Variants in CAMK4 observed in about 807,000 individuals in gnomAD.
CAMK4 encodes calcium/calmodulin-dependent protein kinase type IV.
CAMK4 carries 22 observed loss-of-function variants against 44.9 expected under a neutral mutation model. That is an observed-to-expected ratio of 0.49 (90% CI 0.35 to 0.70). The LOEUF (loss-of-function observed/expected upper bound fraction) is 0.70. Ranked by LOEUF, CAMK4 falls within the 30% of genes least tolerant of loss-of-function variation. CAMK4 has a pLI of 0.01. For synonymous variants in CAMK4, 218 were observed against 215.4 expected, an observed-to-expected ratio of 1.01 and a Z score of -0.11; for missense variants, 498 against 586.8, an observed-to-expected ratio of 0.85 and a Z score of 1.56.
chr5:111,337,943 G>A lies in CAMK4; in HGVS notation c.162-6081G>A, dbSNP rs147778550. ...CCTCTAGACTGTTTTAGTTGGGTAT[G>A]AAAAGGATAATCCAATCTGTGTAAT... On this transcript the variant is annotated intron_variant, in intron 1 of 10. Coordinates refer to ENST00000282356, the MANE Select transcript of CAMK4 (RefSeq NM_001744.6). 6.7e-3 allele frequency among the ~76,000 whole-genome samples: 1,014 copies of A among 151,210 alleles called. 6 individuals are homozygous for A. The highest frequency in any genetic ancestry group is 0.02 in the Middle Eastern group (6 of 294).
At chr5:111,272,119 T>TTG (rs760290469) in intron 1 of CAMK4, among the ~76,000 whole-genome samples, 47 of 148,672 alleles carry the variant, frequency 3.2e-4, no homozygotes, top group Non-Finnish European at 4.9e-4. Flanking sequence ...GTGTGTGTGT[T>TTG]TGTGTGTGTG....
chr5:111,481,295 A>G (rs569551203), intron 9 of CAMK4, among the ~76,000 whole-genome samples: 1 of 152,342 alleles, frequency 6.6e-6, no homozygotes, highest in East Asian at 1.9e-4. Flanking sequence ...GGGCTCATTT[A>G]CATAAAATTA....
In CAMK4 at chr5:111,331,972, T is replaced by C. The variant is rs186269572; in HGVS notation, c.162-12052T>C. ...GTGCCTAGCACAGTGCCTAATAAATTTTCACTTGATGAAATCTAACTCCGT... is the reference window on the plus strand; with the variant it reads ...GTGCCTAGCACAGTGCCTAATAAATCTTCACTTGATGAAATCTAACTCCGT... On this transcript the variant is annotated intron_variant, in intron 1 of 10. Transcript: ENST00000282356. Among the ~76,000 whole-genome samples, 1,087 of 151,808 alleles carry C rather than the reference T, an allele frequency of 7.2e-3. 12 individuals carry two copies. Among genetic ancestry groups the C allele is most frequent in the Non-Finnish European group, 0.011 (766 of 67,790 alleles).
chr5:111,451,073 A>G (rs1043317418), intron 7 of CAMK4, among the ~76,000 whole-genome samples: 1 of 152,156 alleles, frequency 6.6e-6, no homozygotes, highest in African/African-American at 2.4e-5. Context: ...GATTAAATCC[A>G]TAGAATTTTA....
At chr5:111,452,028 A>G (rs1342288969) in intron 7 of CAMK4, among the ~76,000 whole-genome samples, 1 of 152,188 alleles carries the variant, frequency 6.6e-6, no homozygotes, top group Non-Finnish European at 1.5e-5. Context: ...AGCATTTTAT[A>G]ATATTGTTTT....
chr5:111,230,035 G>A (rs1281859829), intron 1 of CAMK4, among the ~76,000 whole-genome samples: 1 of 152,146 alleles, frequency 6.6e-6, no homozygotes, highest in Non-Finnish European at 1.5e-5. Flanking sequence ...TGGGCCGGGT[G>A]CAGCATGTGT....
chr5:111,467,824 C>T (rs1754897873), intron 7 of CAMK4, among the ~76,000 whole-genome samples: 1 of 152,028 alleles, frequency 6.6e-6, no homozygotes, highest in Admixed American at 6.6e-5. Context: ...AGTAGAACTA[C>T]CGTTTGATCC....
At chr5:111,391,133 C>T (rs868289622) in intron 4 of CAMK4, among the ~76,000 whole-genome samples, 1 of 152,020 alleles carries the variant, frequency 6.6e-6, no homozygotes, top group Non-Finnish European at 1.5e-5. Flanking sequence ...ATCTAAAGTC[C>T]CTTGGGGAAA....
intron 5 of CAMK4, among the ~76,000 whole-genome samples, chr5:111,423,034 A>G (rs1328626664): frequency 6.6e-6 from 1 of 152,202 alleles, no homozygotes; most frequent in East Asian, 1.9e-4. Context: ...AACAGGCACA[A>G]TAAATATTCA....
chr5:111,347,655 C>A (rs567408440), intron 2 of CAMK4, among the ~76,000 whole-genome samples: 1 of 151,960 alleles, frequency 6.6e-6, no homozygotes, highest in Non-Finnish European at 1.5e-5. Flanking sequence ...CATCTTACCT[C>A]TGTGCACATC....
chr5:111,461,838 C>T, intron 7 of CAMK4, among the ~76,000 whole-genome samples: 1 of 54,650 alleles, frequency 1.8e-5, no homozygotes, highest in East Asian at 4.8e-4. Context: ...AAAAAAAAAT[C>T]CCAGCATTTG....
At chr5:111,384,727 C>T (rs1371976756) in intron 4 of CAMK4, among the ~76,000 whole-genome samples, 2 of 152,182 alleles carry the variant, frequency 1.3e-5, no homozygotes, top group African/African-American at 4.8e-5. Context: ...TTTCCCAGTG[C>T]TTCTGCCCTG....
At chr5:111,458,324 C>T (rs778607551) in intron 7 of CAMK4, among the ~76,000 whole-genome samples, 1 of 152,156 alleles carries the variant, frequency 6.6e-6, no homozygotes, top group South Asian at 2.1e-4. Flanking sequence ...TGGGCATGAG[C>T]TTAGTTTAAG....
At chr5:111,327,357 C>T (rs568305769) in intron 1 of CAMK4, among the ~76,000 whole-genome samples, 209 of 152,186 alleles carry the variant, frequency 1.4e-3, no homozygotes, top group African/African-American at 4.8e-3. Context: ...TTTATGGCTG[C>T]ATAGTATTCC....
rs539721254 is a variant in CAMK4 at position 111,328,443 on chromosome 5, G to A, written c.162-15581G>A. Among the ~76,000 whole-genome samples, 512 of 152,146 alleles carry A rather than the reference G, an allele frequency of 3.4e-3. 3 individuals carry two copies. The highest frequency in any genetic ancestry group is 0.012 in the African/African-American group (493 of 41,526). ...GTAGTGTAGTTTGAAGTCAGGTAGCGTGATGCCTCCAGCTTTGTTCTTTTG... is the reference window on the plus strand; with the variant it reads ...GTAGTGTAGTTTGAAGTCAGGTAGCATGATGCCTCCAGCTTTGTTCTTTTG... On this transcript the variant is annotated intron_variant, in intron 1 of 10. Transcript: ENST00000282356.
chr5:111,456,980 G>T (rs1304126069), intron 7 of CAMK4, among the ~76,000 whole-genome samples: 1 of 152,226 alleles, frequency 6.6e-6, no homozygotes, highest in African/African-American at 2.4e-5. Flanking sequence ...CACTGAGTCA[G>T]TTCCAGCATC....
At chr5:111,271,316 G>A (rs1750507656) in intron 1 of CAMK4, among the ~76,000 whole-genome samples, 1 of 152,126 alleles carries the variant, frequency 6.6e-6, no homozygotes. Context: ...CTGGGTTCTG[G>A]TTTCTTCAAC....
At chr5:111,421,343 A>G (rs1204520372) in intron 5 of CAMK4, among the ~76,000 whole-genome samples, 1 of 152,184 alleles carries the variant, frequency 6.6e-6, no homozygotes, top group African/African-American at 2.4e-5. Context: ...TGAATAAGGG[A>G]TGCCCCCAAA....
chr5:111,459,542 G>C (rs1754559475), intron 7 of CAMK4, among the ~76,000 whole-genome samples: 3 of 152,126 alleles, frequency 2.0e-5, no homozygotes, highest in African/African-American at 7.2e-5. Context: ...TGTAAACTAA[G>C]TTGAGGATTT....
Sources: allele counts gnomAD v4.1 joint callset (sites outside exome capture counted in the v4.1 genomes callset), GRCh38; gene constraint gnomAD v4.1.1; transcripts MANE v1.5; gene names NCBI Gene and HGNC (gene_info 2026-07-23, HGNC 2026-07-21).